Variants in SVOP observed in about 807,000 individuals in gnomAD.
The protein encoded by SVOP is SV2 related protein.
Under a neutral mutation model 69.1 loss-of-function variants are expected in SVOP, and 17 were observed. The ratio of observed to expected loss-of-function variants is 0.25; its 90% CI spans 0.17 to 0.37. The LOEUF (loss-of-function observed/expected upper bound fraction) is 0.37. Among genes scored for constraint, SVOP ranks in the 10% least tolerant of loss-of-function variants. The pLI, the probability that SVOP is intolerant of heterozygous loss-of-function variation, is 1.00. For synonymous variants in SVOP, 238 were observed against 238.6 expected, an observed-to-expected ratio of 1.00 and a Z score of 0.02; for missense variants, 435 against 597.5, an observed-to-expected ratio of 0.73 and a Z score of 2.84.
At chr12:109,006,012 C>T (rs183873687) in intron 1 of SVOP, among the ~76,000 whole-genome samples, 11 of 152,146 alleles carry the variant, frequency 7.2e-5, no homozygotes, top group African/African-American at 2.2e-4. Flanking sequence ...CACATTCTCC[C>T]GCAAGAGGAG....
intron 11 of SVOP, among the ~76,000 whole-genome samples, chr12:108,932,136 C>T (rs1195437905): frequency 6.6e-6 from 1 of 152,106 alleles, no homozygotes; most frequent in Non-Finnish European, 1.5e-5. Flanking sequence ...CCTCAGCCTC[C>T]CAGCTAGTAG....
chr12:108,969,938 G>A (rs909586306), intron 5 of SVOP, among the ~76,000 whole-genome samples: 3 of 152,154 alleles, frequency 2.0e-5, no homozygotes, highest in African/African-American at 7.2e-5. Flanking sequence ...GCCCCAGAGA[G>A]GCCTTTCCAA....
At chr12:109,019,215 A>C (rs1167625427) in intron 1 of SVOP, among the ~76,000 whole-genome samples, 1 of 152,130 alleles carries the variant, frequency 6.6e-6, no homozygotes, top group Non-Finnish European at 1.5e-5. Flanking sequence ...ACCTTTATTT[A>C]TTGGTACATT....
chr12:108,910,720 T>G lies in SVOP; in HGVS notation c.*1815A>C, dbSNP rs1038886431. 3 of 152,204 alleles carry G rather than the reference T, an allele frequency of 2.0e-5. No homozygotes were observed. Among genetic ancestry groups the G allele is most frequent in the Non-Finnish European group, 4.4e-5 (3 of 68,040 alleles). 9.4% of individuals were successfully genotyped at this position (152,204 alleles called of 1,614,324 possible). On this transcript the variant is annotated 3_prime_UTR_variant, in exon 16 of 16. Coordinates refer to ENST00000610966, the MANE Select transcript of SVOP (RefSeq NM_018711.5). Reference sequence around the variant, plus strand: ...GAAGAAAGTGTTGTCTCCAACAAGCTCAGCCACAATGTTGGCTGCCAACGG... The same window carrying G: ...GAAGAAAGTGTTGTCTCCAACAAGCGCAGCCACAATGTTGGCTGCCAACGG...
At chr12:108,975,645 C>CA (rs1474062939) in intron 4 of SVOP, among the ~76,000 whole-genome samples, 5 of 152,136 alleles carry the variant, frequency 3.3e-5, no homozygotes, top group Admixed American at 1.3e-4. Context: ...TGTTATCATC[C>CA]AATGGCAAGA....
chr12:109,002,187 G>T (rs1353622391), intron 1 of SVOP, among the ~76,000 whole-genome samples: 1 of 59,172 alleles, frequency 1.7e-5, no homozygotes, highest in African/African-American at 5.1e-5. Flanking sequence ...CATTTATGCA[G>T]CCAAAAAACA....
At position 108,969,195 on chromosome 12, in the gene SVOP, CTG is replaced by C. The variant is rs576451998; in HGVS notation, c.453+3208_453+3209del. 5.7e-4 allele frequency among the ~76,000 whole-genome samples: 87 copies of C among 152,236 alleles called. 1 individual carries two copies. In the East Asian group the frequency reaches 0.016, roughly 28 times the overall value. On this transcript the variant is annotated intron_variant, in intron 5 of 15. Transcript: ENST00000610966. ...CAGCTCCATCAAAACAAAAATGACT[CTG>C]TTTTATTTTCAGAGGTGTTTTTTCT...
chr12:108,938,014 G>C (rs1394628732), intron 9 of SVOP, among the ~76,000 whole-genome samples: 1 of 152,140 alleles, frequency 6.6e-6, no homozygotes, highest in Non-Finnish European at 1.5e-5. Context: ...AACCAAATAG[G>C]CTTCTGCACC....
intron 13 of SVOP, 69 bp from the exon 14 acceptor site, chr12:108,918,193 C>A: frequency 2.3e-6 from 3 of 1,325,522 alleles, no homozygotes; most frequent in Non-Finnish European, 3.1e-6. Context: ...GTCCTATCTT[C>A]CCAGGCAGTA....
At chr12:108,967,859 A>G (rs1414295451) in intron 5 of SVOP, among the ~76,000 whole-genome samples, 2 of 152,212 alleles carry the variant, frequency 1.3e-5, no homozygotes, top group Non-Finnish European at 2.9e-5. Flanking sequence ...GTGCCAAAAT[A>G]TGGTTACAAC....
Position 108,940,898 on chromosome 12 carries a change from G to A in SVOP, c.654C>T (p.Ala218=), listed in dbSNP as rs1566052785. The change falls in exon 8 of 16, where the codon GCC becomes GCT. Residue 218 remains alanine (A), a synonymous_variant. Transcript: ENST00000610966. ...GGACGACCTCGAACACTGTCCCGAT[G>A]GCCCAGAATACCTGGCACAGGAGAA... ...KCILLIEVFW[A]IGTVFEVVLA... is the part of the protein sequence containing the mutation. 1 of 1,536,910 alleles carries A rather than the reference G, an allele frequency of 6.5e-7. No individual in the cohort carries two copies. The highest frequency in any genetic ancestry group is 8.7e-7 in the Non-Finnish European group (1 of 1,146,682).
At chr12:109,020,789 T>C (rs1435485495) in intron 1 of SVOP, 45 bp downstream of exon 1, 2 of 464,662 alleles carry the variant, frequency 4.3e-6, no homozygotes. Context: ...TTTCGTTTTT[T>C]AAAAGAAAGC....
intron 4 of SVOP, among the ~76,000 whole-genome samples, chr12:108,973,700 G>A (rs570422016): frequency 3.9e-5 from 6 of 152,232 alleles, no homozygotes; most frequent in South Asian, 2.1e-4. Context: ...CACCTGGCCC[G>A]AATGGATCAT....
At chr12:108,983,917 T>G (rs1032110257) in intron 1 of SVOP, among the ~76,000 whole-genome samples, 156 bp from the exon 2 acceptor site, 60 of 152,260 alleles carry the variant, frequency 3.9e-4, no homozygotes, top group African/African-American at 1.3e-3. Context: ...GGACTGGGGT[T>G]GGGGAGAGTA....
chr12:109,014,491 G>T (rs1334123049), intron 1 of SVOP, among the ~76,000 whole-genome samples: 1 of 152,146 alleles, frequency 6.6e-6, no homozygotes, highest in African/African-American at 2.4e-5. Context: ...GAATAATGCT[G>T]CTGTGAACAT....
At chr12:108,973,539 G>A (rs1475990743) in intron 4 of SVOP, among the ~76,000 whole-genome samples, 2 of 152,186 alleles carry the variant, frequency 1.3e-5, no homozygotes, top group East Asian at 3.9e-4. Context: ...CTACAGGTGT[G>A]CACCACCATG....
chr12:108,959,724 C>T (rs980032674), intron 6 of SVOP, among the ~76,000 whole-genome samples: 6 of 152,310 alleles, frequency 3.9e-5, no homozygotes, highest in South Asian at 4.1e-4. Flanking sequence ...GCCTCAGCTA[C>T]GGCTTCCTCT....
chr12:108,977,288 C>T (rs2040111622), intron 4 of SVOP, 110 bp downstream of exon 4: 1 of 1,332,756 alleles, frequency 7.5e-7, no homozygotes, highest in African/African-American at 1.4e-5. Context: ...TCCATCAGGG[C>T]TTAATTCTTT....
At chr12:108,993,365 T>C (rs747901) in intron 1 of SVOP, among the ~76,000 whole-genome samples, 4,931 of 125,798 alleles carry the variant, frequency 0.039, 117 homozygotes, top group Non-Finnish European at 0.06. Context: ...CTACGTTATG[T>C]GTATTTTGCC....
Sources: allele counts gnomAD v4.1 joint callset (sites outside exome capture counted in the v4.1 genomes callset), GRCh38; gene constraint gnomAD v4.1.1; transcripts MANE v1.5; gene names NCBI Gene and HGNC (gene_info 2026-07-23, HGNC 2026-07-21).